The following DPP10 variants were observed in gnomAD, a reference collection of about 807,000 sequenced individuals.
DPP10 encodes dipeptidyl peptidase like 10.
Under a neutral mutation model 120.9 loss-of-function variants are expected in DPP10, and 33 were observed. That is an observed-to-expected ratio of 0.27 (90% confidence interval 0.21 to 0.37). DPP10 has a LOEUF of 0.37. Among genes scored for constraint, DPP10 ranks in the 10% least tolerant of loss-of-function variants. DPP10 has a pLI of 1.00. For missense variants in DPP10, 816 were observed against 942.8 expected, an observed-to-expected ratio of 0.87 and a Z score of 1.76; for synonymous variants, 337 against 326.1, an observed-to-expected ratio of 1.03 and a Z score of -0.36.
chr2:114,623,929 G>A (rs1694294009), intron 1 of DPP10, among the ~76,000 whole-genome samples: 2 of 152,016 alleles, frequency 1.3e-5, no homozygotes, highest in African/African-American at 4.8e-5. Flanking sequence ...AATTCATCCA[G>A]TCCACCAAGG....
intron 1 of DPP10, among the ~76,000 whole-genome samples, chr2:114,616,455 T>A (rs785045): frequency 0.11 from 16,488 of 151,992 alleles, 1,215 homozygotes; most frequent in East Asian, 0.21. Context: ...TGGCTTATGA[T>A]AAGAACAAAG....
chr2:115,359,073 A>G (rs2064600089), intron 3 of DPP10, among the ~76,000 whole-genome samples: 1 of 152,192 alleles, frequency 6.6e-6, no homozygotes, highest in South Asian at 2.1e-4. Context: ...GGTTGGGTCT[A>G]GCATTTCATC....
chr2:114,567,943 G>A (rs575499220), intron 1 of DPP10, among the ~76,000 whole-genome samples: 10 of 151,376 alleles, frequency 6.6e-5, no homozygotes, highest in African/African-American at 1.9e-4. Flanking sequence ...TGGGTTGATC[G>A]GTGCAGCAAA....
chr2:115,561,358 CAAAAAAA>C (rs11421762), intron 5 of DPP10, among the ~76,000 whole-genome samples: 7,232 of 59,432 alleles, frequency 0.12, 92 homozygotes, highest in South Asian at 0.26. Context: ...GACTCCATCA[CAAAAAAA>C]AAAAAAAAAA....
rs60833358 is a variant in DPP10 at position 114,559,891 on chromosome 2, C to CAAAAAAAAAAAAAAAAAA, written c.60+117057_60+117074dup. Among the ~76,000 whole-genome samples the CAAAAAAAAAAAAAAAAAA allele has an allele frequency of 2.2e-3, 142 of 65,484 alleles. No individual in the cohort carries two copies. In the Middle Eastern group the frequency reaches 0.038, roughly 18 times the overall value. 43.0% of individuals were successfully genotyped at this position (65,484 alleles called of 152,430 possible). A position where few individuals can be genotyped will look rare whatever the true frequency, so the allele number is the denominator to read the frequency against. On this transcript the variant is annotated intron_variant, in intron 1 of 25. Transcript: ENST00000410059. The stretch of plus-strand genomic sequence containing the variant: ...TCATAGACTGCAAGAAGAAAAAAAG[C>CAAAAAAAAAAAAAAAAAA]AAAAAAAAAAAAAAAAAAAAACAAA...
At chr2:115,208,574 A>G (rs1161667710) in intron 1 of DPP10, among the ~76,000 whole-genome samples, 2 of 152,072 alleles carry the variant, frequency 1.3e-5, no homozygotes, top group African/African-American at 2.4e-5. Context: ...TCTGCTTTTT[A>G]TTATTTACCA....
rs999556071 is a variant in DPP10, at chr2:115,009,447, A to C, written c.61-299792A>C. On this transcript the variant is annotated intron_variant, in intron 1 of 25. Coordinates refer to ENST00000410059, the MANE Select transcript of DPP10 (RefSeq NM_020868.6). ...TGTTGTGGGGTGGGGGTTGGTGGGG[A>C]GGGATAGCATTGGGAGATATACCTA... 4.0e-5 allele frequency among the ~76,000 whole-genome samples: 6 copies of C among 149,500 alleles called. No homozygotes were observed. The South Asian group carries it at 9.0e-4, about 22-fold the overall frequency.
At chr2:114,810,571 A>G (rs1685093553) in intron 1 of DPP10, among the ~76,000 whole-genome samples, 1 of 152,228 alleles carries the variant, frequency 6.6e-6, no homozygotes, top group Non-Finnish European at 1.5e-5. Context: ...TCCTTCTTTT[A>G]TACTTAAGGG....
chr2:115,493,014 T>G (rs2076206684), intron 3 of DPP10, among the ~76,000 whole-genome samples: 1 of 152,122 alleles, frequency 6.6e-6, no homozygotes, highest in Non-Finnish European at 1.5e-5. Context: ...GTTTTACATA[T>G]GTGGAGAACT....
rs1323905063 is a variant in DPP10 at position 115,801,411 on chromosome 2, A to G, written c.1700+10055A>G. Among the ~76,000 whole-genome samples the G allele has an allele frequency of 3.3e-5, 5 of 152,240 alleles. No homozygotes were observed. In the South Asian group the frequency reaches 6.2e-4, roughly 19 times the overall value. ...GACAATTTGACTTCCTCTTTTCCTAATTGAATACCCTTTATTCCTTTGTCG... is the reference window on the plus strand; with the variant it reads ...GACAATTTGACTTCCTCTTTTCCTAGTTGAATACCCTTTATTCCTTTGTCG... On this transcript the variant is annotated intron_variant, in intron 19 of 25. Transcript: ENST00000410059.
intron 1 of DPP10, among the ~76,000 whole-genome samples, chr2:115,265,724 A>G (rs1450235924): frequency 6.6e-6 from 1 of 152,152 alleles, no homozygotes; most frequent in Non-Finnish European, 1.5e-5. Context: ...AGGGGCAGCT[A>G]CACATATCTC....
intron 1 of DPP10, among the ~76,000 whole-genome samples, chr2:114,623,175 T>A (rs903570288): frequency 6.6e-6 from 1 of 152,060 alleles, no homozygotes; most frequent in African/African-American, 2.4e-5. Flanking sequence ...GCAGTGACAT[T>A]TAAAGCACCA....
intron 3 of DPP10, among the ~76,000 whole-genome samples, chr2:115,348,601 T>TA (rs754808166): frequency 1.6e-4 from 24 of 152,156 alleles, no homozygotes; most frequent in African/African-American, 5.8e-4. Context: ...AGCTATTAGA[T>TA]AAAATCAATC....
At chr2:114,493,189 A>T (rs750284983) in intron 1 of DPP10, among the ~76,000 whole-genome samples, 6 of 152,068 alleles carry the variant, frequency 3.9e-5, no homozygotes, top group Admixed American at 1.3e-4. Flanking sequence ...GAGCAGATGA[A>T]CTCTGGGCAC....
At chr2:115,382,756 A>T (rs557753882) in intron 3 of DPP10, among the ~76,000 whole-genome samples, 1 of 152,212 alleles carries the variant, frequency 6.6e-6, no homozygotes, top group Non-Finnish European at 1.5e-5. Flanking sequence ...GCCACTTTCC[A>T]TTTACATTTG....
intron 4 of DPP10, among the ~76,000 whole-genome samples, chr2:115,502,450 C>T (rs193016510): frequency 4.7e-4 from 72 of 152,212 alleles, no homozygotes; most frequent in Non-Finnish European, 8.1e-4. Context: ...GAAATGTTAT[C>T]TCTTAAAGCC....
chr2:115,777,353 T>A, intron 14 of DPP10, 54 bp downstream of exon 14: 1 of 1,438,604 alleles, frequency 7.0e-7, no homozygotes, highest in Non-Finnish European at 9.7e-7. Flanking sequence ...TCAAATGCCA[T>A]CTTTTCTAAT....
Position 114,505,648 on chromosome 2 carries a change from A to G in DPP10, c.60+62810A>G, listed in dbSNP as rs181295958. ...GTTCTACATCTCCATTTTACAAATA[A>G]TGGCATCAAGGCACAAAGGAATAAA... On this transcript the variant is annotated intron_variant, in intron 1 of 25. Coordinates refer to ENST00000410059, the MANE Select transcript of DPP10 (RefSeq NM_020868.6). Among the ~76,000 whole-genome samples the G allele has an allele frequency of 5.8e-4, 89 of 152,254 alleles. 1 individual carries two copies. Among genetic ancestry groups the G allele is most frequent in the Admixed American group, 5.4e-3 (83 of 15,302 alleles).
At chr2:114,592,064 GTTTAT>G (rs1691511335) in intron 1 of DPP10, among the ~76,000 whole-genome samples, 2 of 152,292 alleles carry the variant, frequency 1.3e-5, no homozygotes, top group African/African-American at 4.8e-5. Flanking sequence ...GGAAAATTTA[GTTTAT>G]TTTAATTTAG....
Sources: allele counts gnomAD v4.1 joint callset (sites outside exome capture counted in the v4.1 genomes callset), GRCh38; gene constraint gnomAD v4.1.1; transcripts MANE v1.5; gene names NCBI Gene and HGNC (gene_info 2026-07-23, HGNC 2026-07-21).